Variants in PRKN observed in about 807,000 individuals in gnomAD.
PRKN encodes parkin RBR E3 ubiquitin protein ligase.
A neutral mutation model predicts 59.5 loss-of-function variants in PRKN; 56 were observed. The observed-to-expected ratio is 0.94, with a 90% CI of 0.76 to 1.18. The LOEUF (loss-of-function observed/expected upper bound fraction) is 1.18. Ranked by LOEUF, PRKN falls within the 50% of genes most tolerant of loss-of-function variation. PRKN has a pLI of 0.00. For synonymous variants in PRKN, 250 were observed against 222.1 expected, an observed-to-expected ratio of 1.13 and a Z score of -1.12; for missense variants, 657 against 596.4, an observed-to-expected ratio of 1.10 and a Z score of -1.06.
At chr6:162,592,832 G>GA (rs1298878959) in intron 1 of PRKN, among the ~76,000 whole-genome samples, 2 of 150,418 alleles carry the variant, frequency 1.3e-5, no homozygotes, top group Admixed American at 1.3e-4. Context: ...TTTATTATAA[G>GA]AAAAAAATAA....
At chr6:162,128,488 G>A (rs922200535) in intron 4 of PRKN, among the ~76,000 whole-genome samples, 1 of 152,042 alleles carries the variant, frequency 6.6e-6, no homozygotes, top group Non-Finnish European at 1.5e-5. Context: ...GAGGCCAAAC[G>A]TAGACAGCAT....
At chr6:162,667,036 A>C (rs1428893368) in intron 1 of PRKN, among the ~76,000 whole-genome samples, 1 of 152,158 alleles carries the variant, frequency 6.6e-6, no homozygotes, top group Non-Finnish European at 1.5e-5. Context: ...AATTACTTAC[A>C]AATTAATCAA....
chr6:162,317,606 C>G (rs879575654), intron 2 of PRKN, among the ~76,000 whole-genome samples: 8 of 152,050 alleles, frequency 5.3e-5, no homozygotes, highest in Non-Finnish European at 1.0e-4. Flanking sequence ...AACTCACACA[C>G]TCACTCGATT....
chr6:161,673,772 T>G (rs1462261816), intron 7 of PRKN, among the ~76,000 whole-genome samples: 1 of 152,090 alleles, frequency 6.6e-6, no homozygotes, highest in Non-Finnish European at 1.5e-5. Flanking sequence ...TTGAAGGAAT[T>G]GTCTGCAGGA....
At chr6:162,630,215 A>C (rs1225069107) in intron 1 of PRKN, among the ~76,000 whole-genome samples, 1 of 152,212 alleles carries the variant, frequency 6.6e-6, no homozygotes, top group Non-Finnish European at 1.5e-5. Context: ...AGTATATAAA[A>C]TAATTGGTAT....
At chr6:162,083,080 A>G (rs9458454) in intron 4 of PRKN, among the ~76,000 whole-genome samples, 115,776 of 151,850 alleles carry the variant, frequency 0.76, 44,558 homozygotes, top group African/African-American at 0.87. Context: ...TCAGCCTCCC[A>G]AGTAGCTTGG....
intron 7 of PRKN, among the ~76,000 whole-genome samples, chr6:161,631,691 G>A (rs1783316103): frequency 6.6e-6 from 1 of 151,996 alleles, no homozygotes. Flanking sequence ...GCTATCTGTA[G>A]TTAGAGGAAT....
rs1185039799 is a variant in PRKN at position 162,010,297 on chromosome 6, T to C, written c.619-36880A>G. ...TTATGTATGATAAATATATTTTATATATTTATTATATATATTTTATATATT... is the reference window on the plus strand; with the variant it reads ...TTATGTATGATAAATATATTTTATACATTTATTATATATATTTTATATATT... On this transcript the variant is annotated intron_variant, in intron 5 of 11. Coordinates refer to ENST00000366898, the MANE Select transcript of PRKN (RefSeq NM_004562.3). 2.4e-3 allele frequency among the ~76,000 whole-genome samples: 304 copies of C among 128,098 alleles called. 10 individuals carry two copies. Among genetic ancestry groups the C allele is most frequent in the African/African-American group, 8.9e-3 (298 of 33,460 alleles). The allele number at this position is 128,098 out of a possible 152,430, so 84.0% of individuals were successfully genotyped here.
intron 7 of PRKN, chr6:161,783,567 A>C (rs1790297678): frequency 2.1e-6 from 1 of 475,766 alleles, no homozygotes; most frequent in Non-Finnish European, 4.0e-6. Context: ...ATACACATTA[A>C]AAGAAAATGG....
At chr6:162,423,042 A>G (rs905762631) in intron 2 of PRKN, among the ~76,000 whole-genome samples, 1 of 151,278 alleles carries the variant, frequency 6.6e-6, no homozygotes, top group Non-Finnish European at 1.5e-5. Context: ...TTTGCCTTTC[A>G]TTGCTTCTAT....
chr6:162,585,113 C>A (rs1011047529), intron 1 of PRKN, among the ~76,000 whole-genome samples: 1 of 151,152 alleles, frequency 6.6e-6, no homozygotes, highest in Non-Finnish European at 1.5e-5. Flanking sequence ...CTTGGCCAGG[C>A]TGGTCTTGAA....
chr6:161,676,231 T>C (rs1785082279), intron 7 of PRKN, among the ~76,000 whole-genome samples: 1 of 152,224 alleles, frequency 6.6e-6, no homozygotes, highest in African/African-American at 2.4e-5. Flanking sequence ...TGTAGTGCTA[T>C]CTAACAATGT....
chr6:161,602,422 C>T (rs1782141392), intron 7 of PRKN, among the ~76,000 whole-genome samples: 1 of 152,224 alleles, frequency 6.6e-6, no homozygotes, highest in South Asian at 2.1e-4. Context: ...GCCTTAGCAT[C>T]TCTGCTATAA....
rs183807296 is a variant in PRKN at position 161,620,171 on chromosome 6, T to G, written c.872-50755A>C. 2.6e-4 allele frequency among the ~76,000 whole-genome samples: 40 copies of G among 151,182 alleles called. No homozygotes were observed. The East Asian group carries it at 6.8e-3, about 26-fold the overall frequency. On this transcript the variant is annotated intron_variant, in intron 7 of 11. Coordinates refer to ENST00000366898, the MANE Select transcript of PRKN (RefSeq NM_004562.3). ...ATGCCCAGCTAATTTTTTTTTTTTT[T>G]TTGTATTTTTAGTAGAGATGGGGTT...
chr6:162,503,136 CTTTTTT>C (rs10629175), intron 1 of PRKN, among the ~76,000 whole-genome samples: 3 of 81,120 alleles, frequency 3.7e-5, no homozygotes, highest in South Asian at 4.2e-4. Flanking sequence ...GTCTTCATTT[CTTTTTT>C]TTTTTTTTTT....
chr6:162,459,594 A>G (rs1791061356), intron 1 of PRKN, among the ~76,000 whole-genome samples: 1 of 152,206 alleles, frequency 6.6e-6, no homozygotes, highest in Non-Finnish European at 1.5e-5. Flanking sequence ...AGACTACCTC[A>G]GTTTAAATGT....
In PRKN at chr6:162,504,928, C is replaced by A. The variant is rs1010873942; in HGVS notation, c.8-61455G>T. Among the ~76,000 whole-genome samples, 10 of 152,150 alleles carry A rather than the reference C, an allele frequency of 6.6e-5. No individual in the cohort carries two copies. The East Asian group carries it at 1.7e-3, about 26-fold the overall frequency. On this transcript the variant is annotated intron_variant, in intron 1 of 11. Transcript: ENST00000366898. ...AGGAGGTAACCTGAAGAACCACTGG[C>A]CGTAAGGAAGATGCTCCACCTCAGC...
chr6:162,297,291 T>C (rs1432322999), intron 2 of PRKN, among the ~76,000 whole-genome samples: 1 of 151,852 alleles, frequency 6.6e-6, no homozygotes, highest in African/African-American at 2.4e-5. Context: ...CCTTTTCAAC[T>C]GTGGCAGTTT....
chr6:161,505,159 T>C (rs1416257707), intron 9 of PRKN, among the ~76,000 whole-genome samples: 1 of 152,198 alleles, frequency 6.6e-6, no homozygotes, highest in Non-Finnish European at 1.5e-5. Flanking sequence ...AAAGTGTTCC[T>C]ATTTCTCCAC....
Sources: gnomAD v4.1 joint callset for allele counts (sites outside exome capture counted in the v4.1 genomes callset) on GRCh38, gnomAD v4.1.1 for gene constraint, MANE v1.5 for transcripts, NCBI Gene and HGNC (gene_info 2026-07-23, HGNC 2026-07-21) for gene names.